The following BICRA variants were observed in gnomAD, a reference collection of about 807,000 sequenced individuals.
BICRA encodes BRD4 interacting chromatin remodeling complex associated protein.
A neutral mutation model predicts 96.9 loss-of-function variants in BICRA; 31 were observed. The ratio of observed to expected loss-of-function variants is 0.32; its 90% CI spans 0.24 to 0.43. BICRA has a LOEUF of 0.43. Ranked by LOEUF, BICRA falls within the 20% of genes least tolerant of loss-of-function variation. The pLI, the probability that BICRA is intolerant of heterozygous loss-of-function variation, is 1.00. For synonymous variants in BICRA, 1,350 were observed against 1,071.8 expected, an observed-to-expected ratio of 1.26 and a Z score of -5.07; for missense variants, 2,283 against 2,190.3, an observed-to-expected ratio of 1.04 and a Z score of -0.84.
intron 1 of BICRA, among the ~76,000 whole-genome samples, chr19:47,625,743 G>A (rs1179910480): frequency 1.3e-5 from 2 of 152,082 alleles, no homozygotes; most frequent in African/African-American, 2.4e-5. Flanking sequence ...CACAGTTTGC[G>A]AAGTGGAGAG....
At chr19:47,651,150 C>A (rs749957462) in intron 1 of BICRA, among the ~76,000 whole-genome samples, 6 of 152,164 alleles carry the variant, frequency 3.9e-5, no homozygotes, top group Non-Finnish European at 5.9e-5. Context: ...GTTCTCCACT[C>A]TACAGCCAGA....
rs775425927 is a variant in BICRA, at chr19:47,702,370, C to T, written c.4638C>T (p.Pro1546=). 1.6e-5 allele frequency: 24 copies of T among 1,526,004 alleles called. No homozygotes were observed. The highest frequency in any genetic ancestry group is 1.8e-5 in the Non-Finnish European group (21 of 1,147,986). The allele number at this position is 1,526,004 out of a possible 1,614,324, so 94.5% of individuals were successfully genotyped here. A position where few individuals can be genotyped will look rare whatever the true frequency, so the allele number is the denominator to read the frequency against. The change falls in exon 15 of 15, where the codon CCC becomes CCT. Residue 1546 remains proline (P), a synonymous_variant. Coordinates refer to ENST00000594866, the MANE Select transcript of BICRA (RefSeq NM_001394372.1). ...PPLHRPEAYP[P]SSHNGGLGAR... ...TGCACAGGCCCGAGGCCTACCCACC[C>T]TCCAGTCACAACGGTGGCCTCGGCG...
At position 47,680,946 on chromosome 19, in the gene BICRA, C is replaced by T. The variant is rs768675953; in HGVS notation, c.1776C>T (p.Ala592=). The stretch of plus-strand genomic sequence containing the variant: ...AGGGGGTCACCCTGCCCCCCAGCGC[C>T]GTGGCCATGCTCAACACCCCCGACG... The part of the protein sequence containing the change: ...VLQGVTLPPS[A]VAMLNTPDGL... Residue 592 remains alanine, a synonymous_variant, in exon 6 of 15, where the codon GCC becomes GCT. Coordinates refer to ENST00000594866, the MANE Select transcript of BICRA (RefSeq NM_001394372.1). The T allele has an allele frequency of 1.2e-4, 176 of 1,481,184 alleles. No homozygotes were observed. The East Asian group carries it at 4.4e-3, about 37-fold the overall frequency. The allele number at this position is 1,481,184 out of a possible 1,614,324, so 91.8% of individuals were successfully genotyped here.
Position 47,673,757 on chromosome 19 carries a change from G to C in BICRA, c.79G>C (p.Glu27Gln). 2 of 1,612,674 alleles carry C rather than the reference G, an allele frequency of 1.2e-6. No homozygotes were observed. The highest frequency in any genetic ancestry group is 1.7e-6 in the Non-Finnish European group (2 of 1,179,014). ...QALNDFLHGSEKLDSDDLLDN... is the reference protein window; with the variant it reads ...QALNDFLHGSQKLDSDDLLDN... ...CCTCAATGACTTCTTGCATGGATCC[G>C]AGAAGGTAAGCATGGGCGCAGGGAG... The change falls in exon 4 of 15, where the codon GAG becomes CAG. Residue 27 changes from glutamate (E) to glutamine (Q), a missense_variant. By Grantham distance (29) the Glu-to-Gln change is conservative. Transcript: ENST00000594866.
At chr19:47,619,052 G>A (rs1157387943) in intron 1 of BICRA, among the ~76,000 whole-genome samples, 1 of 152,194 alleles carries the variant, frequency 6.6e-6, no homozygotes, top group Non-Finnish European at 1.5e-5. Flanking sequence ...CTGGGTGCGG[G>A]AGTTCTCCCT....
chr19:47,701,207 G>A lies in BICRA; in HGVS notation c.3596-121G>A, dbSNP rs2123616082. 1 of 682,348 alleles carries A rather than the reference G, an allele frequency of 1.5e-6. No individual in the cohort carries two copies. The highest frequency in any genetic ancestry group is 2.7e-5 in the East Asian group (1 of 37,000). The allele number at this position is 682,348 out of a possible 1,614,324, so 42.3% of individuals were successfully genotyped here. A position where few individuals can be genotyped will look rare whatever the true frequency, so the allele number is the denominator to read the frequency against. On this transcript the variant is annotated intron_variant, in intron 14 of 14. Coordinates refer to ENST00000594866, the MANE Select transcript of BICRA (RefSeq NM_001394372.1). This position sits in a 1 kb window ranked among gnomAD's most constrained non-coding sequence, Gnocchi z 5.4. ...CACCAAGCCTATCCTGAGGATTGGA[G>A]GGTCCAGGGTGCAGTCTGGTGCCTG...
intron 1 of BICRA, among the ~76,000 whole-genome samples, chr19:47,658,885 C>T (rs975570705): frequency 5.3e-5 from 8 of 152,134 alleles, no homozygotes; most frequent in Non-Finnish European, 1.2e-4. Context: ...CCCCTGAATT[C>T]GAAGCCTGCT....
chr19:47,612,425 AT>A (rs1304445297), intron 1 of BICRA, among the ~76,000 whole-genome samples: 21 of 151,796 alleles, frequency 1.4e-4, no homozygotes, highest in African/African-American at 4.8e-4. Flanking sequence ...AAAAAAAAAA[AT>A]AAATAAAATA....
chr19:47,658,877 C>G (rs962066896), intron 1 of BICRA, among the ~76,000 whole-genome samples: 1 of 152,116 alleles, frequency 6.6e-6, no homozygotes, highest in Non-Finnish European at 1.5e-5. Flanking sequence ...ATTTTTTTCC[C>G]CTGAATTCGA....
At chr19:47,686,517 G>A (rs1973161752) in intron 7 of BICRA, among the ~76,000 whole-genome samples, 1 of 152,074 alleles carries the variant, frequency 6.6e-6, no homozygotes, top group African/African-American at 2.4e-5. Flanking sequence ...CCAAGTAGCT[G>A]GGATTACAGG....
intron 1 of BICRA, among the ~76,000 whole-genome samples, chr19:47,626,571 GTTTTTT>G (rs549577847): frequency 1.6e-5 from 2 of 126,636 alleles, no homozygotes; most frequent in African/African-American, 5.9e-5. Flanking sequence ...TAATTTTTTG[GTTTTTT>G]TTTTTTTTTT....
At chr19:47,612,014 G>A (rs1170257990) in intron 1 of BICRA, among the ~76,000 whole-genome samples, 1 of 151,968 alleles carries the variant, frequency 6.6e-6, no homozygotes, top group Admixed American at 6.6e-5. Flanking sequence ...GGGATTACAG[G>A]CACCCACCAC....
intron 1 of BICRA, among the ~76,000 whole-genome samples, chr19:47,647,738 T>C (rs1157954624): frequency 2.6e-5 from 4 of 152,042 alleles, no homozygotes; most frequent in African/African-American, 9.7e-5. Context: ...TCTGTGGACT[T>C]GAGAAATGTG....
At chr19:47,696,652 C>T (rs1973348082) in intron 11 of BICRA, 140 bp downstream of exon 11, 1 of 699,458 alleles carries the variant, frequency 1.4e-6, no homozygotes, top group Admixed American at 2.9e-5. Flanking sequence ...ATGTAGTTCC[C>T]TCATAGACCC....
Position 47,680,885 on chromosome 19 carries a change from C to G in BICRA, c.1715C>G (p.Pro572Arg), listed in dbSNP as rs1183268804. Reference sequence around the variant, plus strand: ...GGCAGCCTGCCCACGCAGAGCCAGCCAGCGCCCGCCGGGCCGGCCGCCACC... The same window carrying G: ...GGCAGCCTGCCCACGCAGAGCCAGCGAGCGCCCGCCGGGCCGGCCGCCACC... The part of the protein sequence containing the change: ...AAGSLPTQSQ[P>R]APAGPAATTV... Residue 572 changes from proline (P) to arginine (R), a missense_variant, in exon 6 of 15, where the codon CCA (proline) becomes CGA (arginine). By Grantham distance (103) the Pro-to-Arg change is moderately radical. Coordinates refer to ENST00000594866, the MANE Select transcript of BICRA (RefSeq NM_001394372.1). The G allele has an allele frequency of 3.4e-6, 5 of 1,469,100 alleles. No homozygotes were observed. The allele number at this position is 1,469,100 out of a possible 1,614,324, so 91.0% of individuals were successfully genotyped here.
At chr19:47,692,733 G>A (rs568074711) in intron 7 of BICRA, among the ~76,000 whole-genome samples, 2 of 152,306 alleles carry the variant, frequency 1.3e-5, no homozygotes, top group East Asian at 3.9e-4. Context: ...TTCTTTAACT[G>A]TCAGAAGTTA....
In BICRA at chr19:47,639,571, G is replaced by A. The variant is rs1336345183; in HGVS notation, c.-108+30403G>A. Among the ~76,000 whole-genome samples, 3 of 149,568 alleles carry A rather than the reference G, an allele frequency of 2.0e-5. No individual in the cohort carries two copies. The South Asian group carries it at 6.4e-4, about 32-fold the overall frequency. On this transcript the variant is annotated intron_variant, in intron 1 of 14. Transcript: ENST00000594866. ...GTCTCGATCTCCTGACCTCGTGATCGCCCGTCTTGGCCTCCCAAAGTGCTG... is the reference window on the plus strand; with the variant it reads ...GTCTCGATCTCCTGACCTCGTGATCACCCGTCTTGGCCTCCCAAAGTGCTG...
intron 7 of BICRA, among the ~76,000 whole-genome samples, chr19:47,688,909 C>T (rs562029020): frequency 5.2e-4 from 79 of 152,194 alleles, no homozygotes; most frequent in African/African-American, 1.9e-3. Flanking sequence ...TCACGGCAAC[C>T]TCTGTCTCTG....
At chr19:47,632,551 G>A (rs1972236245) in intron 1 of BICRA, among the ~76,000 whole-genome samples, 1 of 152,238 alleles carries the variant, frequency 6.6e-6, no homozygotes, top group Non-Finnish European at 1.5e-5. Context: ...ACCGCAGGGA[G>A]CGTGACCAGG....
Sources: allele counts gnomAD v4.1 joint callset (sites outside exome capture counted in the v4.1 genomes callset), GRCh38; gene constraint gnomAD v4.1.1; non-coding constraint Gnocchi (gnomAD v3.1); transcripts MANE v1.5; gene names NCBI Gene and HGNC (gene_info 2026-07-23, HGNC 2026-07-21).